The following RIMS2 variants were observed in gnomAD, a reference collection of about 807,000 sequenced individuals.
RIMS2 encodes regulating synaptic membrane exocytosis 2, also known as regulating synaptic membrane exocytosis protein 2.
In RIMS2, 59 loss-of-function variants were observed where a neutral mutation model predicts 174.4. The observed-to-expected ratio is 0.34, with a 90% CI of 0.27 to 0.42. RIMS2 has a LOEUF of 0.42. Ranked by LOEUF, RIMS2 falls within the 10% of genes least tolerant of loss-of-function variation. The pLI, the probability that RIMS2 is intolerant of heterozygous loss-of-function variation, is 1.00. For missense variants in RIMS2, 1,620 were observed against 1,666.3 expected (o/e 0.97, Z 0.48); for synonymous variants, 606 against 572.5 (o/e 1.06, Z -0.84).
intron 2 of RIMS2, among the ~76,000 whole-genome samples, chr8:103,708,960 T>C (rs1012678919): frequency 6.6e-6 from 1 of 152,162 alleles, no homozygotes; most frequent in Non-Finnish European, 1.5e-5. Context: ...GTTCTTTCCT[T>C]TAATCTTAGT....
intron 19 of RIMS2, among the ~76,000 whole-genome samples, chr8:104,241,689 C>G (rs1279626864): frequency 2.0e-5 from 3 of 152,122 alleles, no homozygotes; most frequent in Non-Finnish European, 2.9e-5. Flanking sequence ...AGGAAGTGAA[C>G]ATTAAAGCTA....
chr8:103,678,739 T>G (rs1291514907), intron 1 of RIMS2, among the ~76,000 whole-genome samples: 1 of 152,138 alleles, frequency 6.6e-6, no homozygotes, highest in African/African-American at 2.4e-5. Context: ...TCAAAATGTT[T>G]TTAAATGCAT....
intron 1 of RIMS2, among the ~76,000 whole-genome samples, chr8:103,595,524 T>C (rs777481295): frequency 5.3e-5 from 8 of 151,840 alleles, no homozygotes; most frequent in Non-Finnish European, 8.8e-5. Context: ...TAGAAAAGGA[T>C]AGACTTACTC....
chr8:103,866,696 C>T (rs10093196), intron 3 of RIMS2, among the ~76,000 whole-genome samples: 61,120 of 151,750 alleles, frequency 0.4, 12,750 homozygotes, highest in African/African-American at 0.44. Flanking sequence ...TGGTAATATG[C>T]TTACTAATGC....
intron 15 of RIMS2, among the ~76,000 whole-genome samples, chr8:103,963,391 T>C (rs755672425): frequency 2.0e-5 from 3 of 152,148 alleles, no homozygotes; most frequent in East Asian, 1.9e-4. Flanking sequence ...AAATTCAGAG[T>C]ATCAATTACA....
intron 2 of RIMS2, among the ~76,000 whole-genome samples, chr8:103,734,868 C>T (rs528646367): frequency 6.6e-6 from 1 of 152,154 alleles, no homozygotes; most frequent in Non-Finnish European, 1.5e-5. Flanking sequence ...ATTATAAGGC[C>T]TGAAATACTG....
intron 1 of RIMS2, among the ~76,000 whole-genome samples, chr8:103,657,791 G>A (rs1481248251): frequency 6.6e-6 from 1 of 152,168 alleles, no homozygotes; most frequent in Non-Finnish European, 1.5e-5. Context: ...GTTCTGACTG[G>A]TTGATACAGC....
At chr8:103,500,896 C>G in exon 1 of RIMS2, 1 of 1,597,214 alleles carries the variant, frequency 6.3e-7, no homozygotes, top group African/African-American at 1.4e-5. Flanking sequence ...CATGTCGGCT[C>G]CTGTCGGGCC....
intron 3 of RIMS2, among the ~76,000 whole-genome samples, chr8:103,843,735 T>G (rs1217438098): frequency 6.6e-6 from 1 of 152,184 alleles, no homozygotes; most frequent in Non-Finnish European, 1.5e-5. Flanking sequence ...TAGGAATGAG[T>G]TTTACCACAT....
intron 1 of RIMS2, among the ~76,000 whole-genome samples, chr8:103,591,797 A>G (rs2094272904): frequency 6.6e-6 from 1 of 151,124 alleles, no homozygotes; most frequent in African/African-American, 2.4e-5. Flanking sequence ...CTTAATTACT[A>G]TGGATTTAGA....
chr8:104,197,382 G>A (rs576555478), intron 19 of RIMS2, among the ~76,000 whole-genome samples: 145 of 146,264 alleles, frequency 9.9e-4, no homozygotes, highest in African/African-American at 3.2e-3. Flanking sequence ...TCACCATGTT[G>A]GCCAGGCTGG....
chr8:104,018,742 G>A (rs1365658043), intron 19 of RIMS2, among the ~76,000 whole-genome samples: 2 of 151,720 alleles, frequency 1.3e-5, no homozygotes, highest in South Asian at 2.1e-4. Flanking sequence ...AATATAGAAC[G>A]GAATATAAAT....
At chr8:103,562,254 A>C (rs564886430) in intron 1 of RIMS2, among the ~76,000 whole-genome samples, 13 of 152,352 alleles carry the variant, frequency 8.5e-5, no homozygotes, top group African/African-American at 2.6e-4. Context: ...CATCTGAGAC[A>C]AGGCAGTCCC....
At chr8:104,208,525 G>A (rs2137511007) in intron 19 of RIMS2, among the ~76,000 whole-genome samples, 1 of 151,650 alleles carries the variant, frequency 6.6e-6, no homozygotes, top group Non-Finnish European at 1.5e-5. Flanking sequence ...CCGAGATCGA[G>A]CCACTGCACT....
chr8:104,099,064 C>G (rs953499587), intron 19 of RIMS2, among the ~76,000 whole-genome samples: 23 of 152,220 alleles, frequency 1.5e-4, no homozygotes, highest in African/African-American at 5.3e-4. Context: ...TGATAGTATG[C>G]AACAAACAGG....
chr8:103,502,833 A>T (rs1821042256), intron 1 of RIMS2, among the ~76,000 whole-genome samples: 1 of 152,076 alleles, frequency 6.6e-6, no homozygotes, highest in Non-Finnish European at 1.5e-5. Context: ...TAGTAGAAAT[A>T]CTATGTGGCT....
intron 19 of RIMS2, among the ~76,000 whole-genome samples, chr8:104,124,210 T>C (rs1458439717): frequency 6.6e-6 from 1 of 152,168 alleles, no homozygotes; most frequent in Non-Finnish European, 1.5e-5. Flanking sequence ...CTAGATATAC[T>C]AAGAACTAAC....
chr8:103,605,432 A>G (rs201017423), intron 1 of RIMS2, among the ~76,000 whole-genome samples: 2 of 144,674 alleles, frequency 1.4e-5, no homozygotes, highest in East Asian at 2.0e-4. Context: ...TTGCATCAAT[A>G]TTCATCAAGG....
At chr8:103,585,282 C>T (rs990999750) in intron 1 of RIMS2, among the ~76,000 whole-genome samples, 1 of 152,172 alleles carries the variant, frequency 6.6e-6, no homozygotes, top group African/African-American at 2.4e-5. Flanking sequence ...TGCTTTTACA[C>T]TGTTGGTGGG....
Sources: gnomAD v4.1 joint callset for allele counts (sites outside exome capture counted in the v4.1 genomes callset) on GRCh38, gnomAD v4.1.1 for gene constraint, MANE v1.5 for transcripts, NCBI Gene and HGNC (gene_info 2026-07-23, HGNC 2026-07-21) for gene names.